Variants in SHTN1 observed in about 807,000 individuals in gnomAD.
SHTN1 encodes the protein shootin 1, also known as shootin-1.
A neutral mutation model predicts 83.1 loss-of-function variants in SHTN1; 42 were observed. The observed-to-expected ratio is 0.51, with a 90% CI of 0.39 to 0.65. The LOEUF (loss-of-function observed/expected upper bound fraction) is 0.65. SHTN1 is among the 30% of genes least tolerant of loss of function. SHTN1 has a pLI of 0.00. For missense variants in SHTN1, 622 were observed against 737.8 expected (o/e 0.84, Z 1.82); for synonymous variants, 224 against 247.7 (o/e 0.90, Z 0.90).
chr10:116,906,765 CA>C lies in SHTN1; in HGVS notation c.1360-19del. On this transcript the variant is annotated intron_variant, in intron 14 of 16. Transcript: ENST00000355371. ...AGTGTCCCCTAAAGTGAAAACAAAA[CA>C]AAAACAAAAAGGTTAATGTCTTAAT... The C allele has an allele frequency of 8.2e-6, 13 of 1,586,660 alleles. No individual in the cohort carries two copies. The highest frequency in any genetic ancestry group is 1.1e-5 in the Non-Finnish European group (13 of 1,168,294).
At chr10:117,027,750 A>C (rs1049912311) in intron 2 of SHTN1, among the ~76,000 whole-genome samples, 1 of 152,216 alleles carries the variant, frequency 6.6e-6, no homozygotes, top group Non-Finnish European at 1.5e-5. Flanking sequence ...CGCCTGTCTC[A>C]GCCTTCCAAA....
chr10:116,886,260 TCTACAGC>T lies in SHTN1; in HGVS notation c.*77_*83del. 6.5e-7 allele frequency: 1 copy of T among 1,530,224 alleles called. No homozygotes were observed. Among genetic ancestry groups the T allele is most frequent in the Non-Finnish European group, 8.8e-7 (1 of 1,132,212 alleles). 94.8% of individuals were successfully genotyped at this position (1,530,224 alleles called of 1,614,324 possible). A position where few individuals can be genotyped will look rare whatever the true frequency, so the allele number is the denominator to read the frequency against. On this transcript the variant is annotated 3_prime_UTR_variant, in exon 17 of 17. Transcript: ENST00000355371. ...TGAATACAGTGACCAGAGCAGAATG[TCTACAGC>T]CCTTGCCAATATAACAACACTAATC...
intron 1 of SHTN1, among the ~76,000 whole-genome samples, chr10:117,091,762 C>T (rs563353852): frequency 6.6e-6 from 1 of 152,200 alleles, no homozygotes; most frequent in Non-Finnish European, 1.5e-5. Flanking sequence ...ACATGAATGA[C>T]TGCCTCATCC....
rs182950666 is a variant in SHTN1 at position 117,051,865 on chromosome 10, T to C, written c.-188-3355A>G. On this transcript the variant is annotated intron_variant, in intron 1 of 17. Transcript: ENST00000392901. ...CACTGTAATCAGAACAAGACATGGATGATAGCTTTTACTACTTCTATTCAA... is the reference window on the plus strand; with the variant it reads ...CACTGTAATCAGAACAAGACATGGACGATAGCTTTTACTACTTCTATTCAA... 6.4e-3 allele frequency among the ~76,000 whole-genome samples: 970 copies of C among 151,648 alleles called. 4 individuals carry two copies. Among genetic ancestry groups the C allele is most frequent in the South Asian group, 0.021 (101 of 4,798 alleles).
chr10:116,986,699 T>G (rs1851228744), intron 1 of SHTN1, among the ~76,000 whole-genome samples: 1 of 144,746 alleles, frequency 6.9e-6, no homozygotes, highest in Non-Finnish European at 1.5e-5. Context: ...CTGGGCAACA[T>G]AGCAAAACCC....
chr10:117,045,653 C>T (rs1253362827), intron 2 of SHTN1, among the ~76,000 whole-genome samples: 2 of 152,158 alleles, frequency 1.3e-5, no homozygotes, highest in Non-Finnish European at 2.9e-5. Context: ...TCAGATTAAC[C>T]TCATGCCAAA....
intron 1 of SHTN1, among the ~76,000 whole-genome samples, chr10:117,083,067 AT>A (rs1167949761): frequency 1.9e-4 from 28 of 149,954 alleles, no homozygotes; most frequent in Middle Eastern, 3.4e-3. Flanking sequence ...TGTGAATTTG[AT>A]CCTGTCATTA....
rs963172652 is a variant in SHTN1 at position 116,882,873 on chromosome 10, T to C, written c.*3471A>G. 1.6e-4 allele frequency: 24 copies of C among 152,206 alleles called. No homozygotes were observed. Among genetic ancestry groups the C allele is most frequent in the African/African-American group, 5.8e-4 (24 of 41,526 alleles). 9.4% of individuals were successfully genotyped at this position (152,206 alleles called of 1,614,324 possible). A position where few individuals can be genotyped will look rare whatever the true frequency, so the allele number is the denominator to read the frequency against. ...TTGTGGCTGCTACTGCCTCTCCTGATGCTTAGCAACAAGCAACGGGTAGGA... is the reference window on the plus strand; with the variant it reads ...TTGTGGCTGCTACTGCCTCTCCTGACGCTTAGCAACAAGCAACGGGTAGGA... On this transcript the variant is annotated 3_prime_UTR_variant, in exon 17 of 17. Transcript: ENST00000355371.
intron 2 of SHTN1, among the ~76,000 whole-genome samples, chr10:117,017,490 C>A (rs1350732211): frequency 0.012 from 1,459 of 126,262 alleles, no homozygotes; most frequent in South Asian, 0.017. Flanking sequence ...GACTCCGTCT[C>A]AAAAAAAAAA....
chr10:117,048,035 T>G (rs1182021495), intron 2 of SHTN1, among the ~76,000 whole-genome samples: 1 of 152,130 alleles, frequency 6.6e-6, no homozygotes, highest in African/African-American at 2.4e-5. Flanking sequence ...GAAGATCAGT[T>G]TTTATAAGTG....
At chr10:117,037,998 CAAAAAAAAA>C (rs71013632) in intron 2 of SHTN1, among the ~76,000 whole-genome samples, 3 of 75,496 alleles carry the variant, frequency 4.0e-5, no homozygotes, top group Admixed American at 2.0e-4. Flanking sequence ...AGCGAGACTT[CAAAAAAAAA>C]AAAAAAAAAA....
At chr10:116,900,868 TTAA>T (rs1847705529) in intron 16 of SHTN1, 1 of 984,926 alleles carries the variant, frequency 1.0e-6, no homozygotes, top group Non-Finnish European at 1.2e-6. Flanking sequence ...GAAAAAAAAG[TTAA>T]TAGTAGCAAT....
At chr10:117,079,019 G>A (rs1274090050) in intron 1 of SHTN1, among the ~76,000 whole-genome samples, 3 of 25,630 alleles carry the variant, frequency 1.2e-4, no homozygotes, top group Admixed American at 1.7e-3. Context: ...CTAGAGATTT[G>A]TGAATTTTTT....
intron 11 of SHTN1, among the ~76,000 whole-genome samples, chr10:116,923,398 T>G (rs982423429): frequency 6.6e-6 from 1 of 152,188 alleles, no homozygotes; most frequent in African/African-American, 2.4e-5. Context: ...GTCCTCAGTG[T>G]GGTGAACTGT....
intron 2 of SHTN1, among the ~76,000 whole-genome samples, chr10:117,038,370 G>A (rs1048790406): frequency 5.3e-5 from 8 of 151,466 alleles, no homozygotes; most frequent in Non-Finnish European, 1.0e-4. Context: ...GAATTCCTGG[G>A]CTCAAGAGAT....
intron 15 of SHTN1, among the ~76,000 whole-genome samples, chr10:116,904,289 A>G (rs1847873483): frequency 6.6e-6 from 1 of 152,260 alleles, no homozygotes; most frequent in Non-Finnish European, 1.5e-5. Context: ...CCCCCCTGGA[A>G]TTTTCACATT....
intron 1 of SHTN1, among the ~76,000 whole-genome samples, chr10:116,984,062 C>T (rs1228948316): frequency 6.6e-6 from 1 of 152,078 alleles, no homozygotes; most frequent in Non-Finnish European, 1.5e-5. Context: ...ACACCTCTAG[C>T]TAGGGTTAAT....
At chr10:117,109,028 G>A (rs1415231205) in intron 1 of SHTN1, among the ~76,000 whole-genome samples, 2 of 152,194 alleles carry the variant, frequency 1.3e-5, no homozygotes, top group Non-Finnish European at 1.5e-5. Context: ...GTGGGCCGCT[G>A]CAATGTCTTT....
intron 2 of SHTN1, among the ~76,000 whole-genome samples, chr10:117,045,670 T>C (rs1307037126): frequency 6.6e-6 from 1 of 152,186 alleles, no homozygotes; most frequent in Non-Finnish European, 1.5e-5. Flanking sequence ...CAAAGGCCTA[T>C]TTACCTCAAT....
Sources: gnomAD v4.1 joint callset for allele counts (sites outside exome capture counted in the v4.1 genomes callset) on GRCh38, gnomAD v4.1.1 for gene constraint, MANE v1.5 for transcripts, NCBI Gene and HGNC (gene_info 2026-07-23, HGNC 2026-07-21) for gene names.